SEZ6L2: variants seen among roughly 807,000 people sequenced by gnomAD.
SEZ6L2 encodes seizure 6-like protein 2.
SEZ6L2 carries 44 observed loss-of-function variants against 97.0 expected under a neutral mutation model. That is an observed-to-expected ratio of 0.45 (90% CI 0.36 to 0.58). SEZ6L2 has a LOEUF of 0.58. Among genes scored for constraint, SEZ6L2 ranks in the 20% least tolerant of loss-of-function variants. The probability of loss-of-function intolerance (pLI) is 0.00; values close to 1 mark genes in which losing one functional copy is unlikely to be tolerated. For missense variants in SEZ6L2, 1,086 were observed against 1,233.3 expected, an observed-to-expected ratio of 0.88 and a Z score of 1.79; for synonymous variants, 543 against 546.1, an observed-to-expected ratio of 0.99 and a Z score of 0.08.
rs887201385 is a variant in SEZ6L2 at position 29,897,015 on chromosome 16, G to A, written c.318C>T (p.Ala106=). The A allele has an allele frequency of 7.6e-6, 12 of 1,583,384 alleles. 1 individual carries two copies. Among genetic ancestry groups the A allele is most frequent in the Non-Finnish European group, 1.0e-5 (12 of 1,169,576 alleles). ...CCCCCCTGACCCCGTTAGGGGTGAC[G>A]GCTGTTGTCAGAGGCCCTGTCCCCG... The part of the protein sequence containing the change: ...TEPGTGPLTT[A]VTPNGVRGAG... Residue 106 remains alanine, a synonymous_variant, in exon 3 of 18, where the codon GCC becomes GCT. Coordinates refer to ENST00000617533, the MANE Select transcript of SEZ6L2 (RefSeq NM_001243332.2).
chr16:29,896,982 G>A lies in SEZ6L2; in HGVS notation c.351C>T (p.Pro117=), dbSNP rs2068411944. 1 of 1,591,500 alleles carries A rather than the reference G, an allele frequency of 6.3e-7. No individual in the cohort carries two copies. The highest frequency in any genetic ancestry group is 1.1e-5 in the South Asian group (1 of 88,944). The change falls in exon 3 of 18, where the codon CCC becomes CCT. Residue 117 remains proline (P), a synonymous_variant. Coordinates refer to ENST00000617533, the MANE Select transcript of SEZ6L2 (RefSeq NM_001243332.2). ...VTPNGVRGAG[P]TAPELLTPPP... ...GCGGGGTCAGCAGTTCTGGCGCAGT[G>A]GGGCCTGCCCCCCTGACCCCGTTAG...
chr16:29,895,598 G>C lies in SEZ6L2; in HGVS notation c.651+123C>G, dbSNP rs1447399348. 3 of 1,425,812 alleles carry C rather than the reference G, an allele frequency of 2.1e-6. No individual in the cohort carries two copies. In the Admixed American group the frequency reaches 6.4e-5, roughly 31 times the overall value. The allele number at this position is 1,425,812 out of a possible 1,614,324, so 88.3% of individuals were successfully genotyped here. On this transcript the variant is annotated intron_variant, in intron 4 of 17. Coordinates refer to ENST00000617533, the MANE Select transcript of SEZ6L2 (RefSeq NM_001243332.2). ...CTGCCCAAGTTGTAGAAATCTAGAA[G>C]AGTTTTTGAGGTCACCTGAGTCATC...
chr16:29,888,191 A>C (rs1255447454), intron 6 of SEZ6L2, among the ~76,000 whole-genome samples: 4 of 152,158 alleles, frequency 2.6e-5, no homozygotes. Flanking sequence ...TGGGAATCCC[A>C]GTAAGAGGCT....
intron 5 of SEZ6L2, among the ~76,000 whole-genome samples, chr16:29,894,613 G>T (rs902910064): frequency 1.3e-5 from 2 of 152,068 alleles, no homozygotes; most frequent in Admixed American, 6.6e-5. Context: ...TTACTCATCT[G>T]TCTTCCTACC....
In SEZ6L2 at chr16:29,888,578, G is replaced by C. The variant is rs935928001; in HGVS notation, c.1001C>G (p.Thr334Ser). Residue 334 changes from threonine (T) to serine (S), a missense_variant, in exon 6 of 18, where the codon ACC (threonine) becomes AGC (serine). Around this residue, in one of 2 missense-constraint regions of SEZ6L2, gnomAD observed 776 missense variants for 794.7 expected, o/e 0.98. Transcript: ENST00000617533. Reference protein sequence around the residue: ...GEETLICLNGTRPSWNGETPS... With the variant: ...GEETLICLNGSRPSWNGETPS... ...GGTTTCACCGTTCCAGGATGGCCGG[G>C]TGCCATTGAGGCAGATGAGGGTCTC... The C allele has an allele frequency of 8.1e-6, 13 of 1,613,906 alleles. No individual in the cohort carries two copies. In the African/African-American group the frequency reaches 1.6e-4, roughly 20 times the overall value.
chr16:29,887,723 C>G lies in SEZ6L2; in HGVS notation c.1134G>C (p.Trp378Cys). Residue 378 changes from tryptophan to cysteine, a missense_variant, in exon 7 of 18, where the codon TGG becomes TGC. Physicochemically the swap from Trp to Cys is radical, Grantham distance 215. Coordinates refer to ENST00000617533, the MANE Select transcript of SEZ6L2 (RefSeq NM_001243332.2). ...GGCGCCCCTCAGCTGCTTCAATGAC[C>G]CAACGGCAGGTGAGGTTGGGCCCTA... ...GAVGPNLTCR[W>C]VIEAAEGRRL... is the part of the protein sequence containing the mutation. 1 of 1,612,966 alleles carries G rather than the reference C, an allele frequency of 6.2e-7. No individual in the cohort carries two copies. Among genetic ancestry groups the G allele is most frequent in the Non-Finnish European group, 8.5e-7 (1 of 1,179,432 alleles).
intron 9 of SEZ6L2, 117 bp downstream of exon 9, chr16:29,879,747 A>G: frequency 1.1e-6 from 1 of 923,124 alleles, no homozygotes; most frequent in Non-Finnish European, 1.6e-6. Context: ...GATTTACCCA[A>G]GGCTTGGGTG....
At chr16:29,872,102 C>G in intron 17 of SEZ6L2, 85 bp downstream of exon 17, 3 of 1,143,670 alleles carry the variant, frequency 2.6e-6, no homozygotes, top group Non-Finnish European at 3.7e-6. Context: ...ATTCCCAAGA[C>G]AGAGATTCCA....
intron 1 of SEZ6L2, among the ~76,000 whole-genome samples, chr16:29,898,692 C>A (rs1413515377): frequency 1.3e-5 from 2 of 152,304 alleles, no homozygotes; most frequent in East Asian, 3.9e-4. Context: ...ACTTTCCCAG[C>A]CCTCCTTCTT....
chr16:29,892,912 C>T (rs1407335224), intron 5 of SEZ6L2, among the ~76,000 whole-genome samples: 1 of 152,210 alleles, frequency 6.6e-6, no homozygotes, highest in Non-Finnish European at 1.5e-5. Flanking sequence ...CACACATGTG[C>T]AGGTCATCTG....
intron 8 of SEZ6L2, among the ~76,000 whole-genome samples, chr16:29,883,388 C>T (rs537151859): frequency 2.0e-5 from 3 of 152,162 alleles, no homozygotes; most frequent in Non-Finnish European, 4.4e-5. Flanking sequence ...CTCACTGCAA[C>T]CTCTGGGGTT....
rs1003973811 is a variant in SEZ6L2, at chr16:29,876,552, G to A, written c.2104+204C>T. 1.3e-5 allele frequency among the ~76,000 whole-genome samples: 2 copies of A among 151,906 alleles called. No homozygotes were observed. The highest frequency in any genetic ancestry group is 2.4e-5 in the African/African-American group (1 of 41,352). On this transcript the variant is annotated intron_variant, in intron 12 of 17. Transcript: ENST00000617533. This position sits in a 1 kb window ranked among gnomAD's most constrained non-coding sequence, Gnocchi z 6.5. ...GGATGCAGCCCGGAGAAGATGAGAG[G>A]GAGACCCAGAGGGGACAGTTTCGGG...
At chr16:29,883,452 G>C (rs1487699741) in intron 8 of SEZ6L2, among the ~76,000 whole-genome samples, 1 of 151,952 alleles carries the variant, frequency 6.6e-6, no homozygotes, top group Non-Finnish European at 1.5e-5. Context: ...GCTGGGACTA[G>C]AGGTGTGTGC....
Position 29,873,210 on chromosome 16 carries a change from G to A in SEZ6L2, c.2488+30C>T, listed in dbSNP as rs748388408. On this transcript the variant is annotated intron_variant, in intron 14 of 17. Coordinates refer to ENST00000617533, the MANE Select transcript of SEZ6L2 (RefSeq NM_001243332.2). This position sits in a 1 kb window ranked among gnomAD's most constrained non-coding sequence, Gnocchi z 4.3. ...GCCCTGTCACTTCCCGGACACTGGT[G>A]TGCCCCTCCTGCCCTGTCTGGCCAG... is the stretch of plus-strand genomic sequence containing the variant. 2 of 1,610,458 alleles carry A rather than the reference G, an allele frequency of 1.2e-6. No individual in the cohort carries two copies. Among genetic ancestry groups the A allele is most frequent in the Non-Finnish European group, 1.7e-6 (2 of 1,178,134 alleles).
At chr16:29,874,035 T>C (rs1329843705) in intron 12 of SEZ6L2, among the ~76,000 whole-genome samples, 2 of 152,124 alleles carry the variant, frequency 1.3e-5, no homozygotes, top group African/African-American at 4.8e-5. Flanking sequence ...CCTCAGGCTG[T>C]TTCCTCTGAA....
chr16:29,884,053 G>A (rs58530271), intron 8 of SEZ6L2, among the ~76,000 whole-genome samples: 11,536 of 151,668 alleles, frequency 0.076, 1,256 homozygotes, highest in East Asian at 0.32. Context: ...TTCTGGTAAC[G>A]GCATCCCAAT....
In SEZ6L2 at chr16:29,877,254, A is replaced by T; in HGVS notation, c.1909+17T>A. 2 of 1,534,760 alleles carry T rather than the reference A, an allele frequency of 1.3e-6. No homozygotes were observed. Among genetic ancestry groups the T allele is most frequent in the Non-Finnish European group, 1.8e-6 (2 of 1,138,594 alleles). On this transcript the variant is annotated intron_variant, in intron 11 of 17. Transcript: ENST00000617533. Reference sequence around the variant, plus strand: ...CTGCCCGACCCCTGCCCATCCCGGGACTCTATCCCTCAGTACCTTTGAAGT... The same window carrying T: ...CTGCCCGACCCCTGCCCATCCCGGGTCTCTATCCCTCAGTACCTTTGAAGT...
intron 5 of SEZ6L2, 101 bp from the exon 6 acceptor site, chr16:29,888,826 CA>C: frequency 9.6e-7 from 1 of 1,039,140 alleles, no homozygotes; most frequent in Non-Finnish European, 1.4e-6. Context: ...GCCAACCTTC[CA>C]GGGGCACACA....
At position 29,887,649 on chromosome 16, in the gene SEZ6L2, C is replaced by T. The variant is rs1299370581; in HGVS notation, c.1208G>A (p.Arg403Gln). 8 of 1,565,428 alleles carry T rather than the reference C, an allele frequency of 5.1e-6. No individual in the cohort carries two copies. Among genetic ancestry groups the T allele is most frequent in the East Asian group, 2.3e-5 (1 of 43,988 alleles). The change falls in exon 7 of 18, where the codon CGG becomes CAG. Residue 403 changes from arginine (R) to glutamine (Q), a missense_variant and splice_region_variant. Physicochemically the swap from Arg to Gln is conservative, Grantham distance 43. Transcript: ENST00000617533. ...ERVSLDEDND[R>Q]LMVRSGGSPL... ...TCTGACCCAAGACCCAGACCCTTACCGGTCATTGTCCTCATCCAGCGAGAC... is the reference window on the plus strand; with the variant it reads ...TCTGACCCAAGACCCAGACCCTTACTGGTCATTGTCCTCATCCAGCGAGAC...
Sources: gnomAD v4.1 joint callset for allele counts (sites outside exome capture counted in the v4.1 genomes callset) on GRCh38, gnomAD v4.1.1 for gene constraint, gnomAD v4.1.1 regional missense constraint, Gnocchi (gnomAD v3.1) non-coding constraint, MANE v1.5 for transcripts, NCBI Gene and HGNC (gene_info 2026-07-23, HGNC 2026-07-21) for gene names.